Variants in REPS1 observed in about 807,000 individuals in gnomAD.
REPS1 encodes RALBP1 associated Eps domain containing 1, also known as ralBP1-associated Eps domain-containing protein 1.
Under a neutral mutation model 100.9 loss-of-function variants are expected in REPS1, and 39 were observed. The observed-to-expected ratio is 0.39, with a 90% confidence interval of 0.30 to 0.50. REPS1 has a LOEUF of 0.50. REPS1 is among the 20% of genes least tolerant of loss of function. The pLI is 0.86. For missense variants in REPS1, 821 were observed against 968.5 expected (o/e 0.85, Z 2.02); for synonymous variants, 324 against 340.3 (o/e 0.95, Z 0.53).
chr6:138,929,388 C>T (rs1415634836), intron 9 of REPS1: 1 of 152,156 alleles, frequency 6.6e-6, no homozygotes, highest in Non-Finnish European at 1.5e-5. Context: ...GCATGTGTCC[C>T]AAATTCCATT....
intron 1 of REPS1, among the ~76,000 whole-genome samples, chr6:138,954,800 C>A (rs552980204): frequency 3.5e-4 from 53 of 152,326 alleles, no homozygotes; most frequent in African/African-American, 1.3e-3. Flanking sequence ...TGTAATAAAG[C>A]TACCACATTG....
intron 8 of REPS1, among the ~76,000 whole-genome samples, chr6:138,936,106 C>G (rs1781812698): frequency 6.6e-6 from 1 of 151,942 alleles, no homozygotes; most frequent in Non-Finnish European, 1.5e-5. Context: ...AGCACAATTG[C>G]AAAGGAAAAA....
chr6:138,951,837 G>C (rs924660126), intron 1 of REPS1, among the ~76,000 whole-genome samples: 5 of 152,146 alleles, frequency 3.3e-5, no homozygotes, highest in African/African-American at 1.2e-4. Flanking sequence ...TCTTAGCTGA[G>C]CATCATTCAA....
intron 8 of REPS1, among the ~76,000 whole-genome samples, chr6:138,939,556 G>A (rs1309497248): frequency 6.6e-6 from 1 of 152,136 alleles, no homozygotes; most frequent in Non-Finnish European, 1.5e-5. Flanking sequence ...GACAGAATCA[G>A]ACAAGCCTCT....
At chr6:138,953,512 C>G (rs1000186162) in intron 1 of REPS1, among the ~76,000 whole-genome samples, 6 of 151,852 alleles carry the variant, frequency 4.0e-5, no homozygotes, top group Non-Finnish European at 7.4e-5. Flanking sequence ...CAAAACAAAA[C>G]AAAACTGATT....
rs1440763145 is a variant in REPS1, at chr6:138,945,534, ATCATGGCT to A, written c.433_440del (p.Ser145TyrfsTer43). 2 of 1,611,138 alleles carry A rather than the reference ATCATGGCT, an allele frequency of 1.2e-6. No individual in the cohort carries two copies. The highest frequency in any genetic ancestry group is 1.7e-6 in the Non-Finnish European group (2 of 1,178,952). On this transcript the variant is annotated frameshift_variant, in exon 3 of 20. Coordinates refer to ENST00000450536, the MANE Select transcript of REPS1 (RefSeq NM_001286611.2). LOFTEE classifies it high-confidence loss of function. ...CTGCAGATGTACGAGGCTGAACCGT[ATCATGGCT>A]TACGGATCCCTTTTTCACTTGCCCC...
intron 19 of REPS1, among the ~76,000 whole-genome samples, chr6:138,905,503 G>A (rs1779582499): frequency 6.7e-6 from 1 of 149,184 alleles, no homozygotes. Context: ...TTGTTAGCCA[G>A]GATGGTCTCG....
intron 13 of REPS1, among the ~76,000 whole-genome samples, chr6:138,916,826 T>C (rs1053100479): frequency 1.3e-5 from 2 of 152,134 alleles, no homozygotes; most frequent in African/African-American, 4.8e-5. Flanking sequence ...CCAAGGCCTC[T>C]GGTAATCTGA....
rs1474982163 is a variant in REPS1 at position 138,904,088 on chromosome 6, A to G, written c.*976T>C. 6.6e-6 allele frequency: 1 copy of G among 152,198 alleles called. No individual in the cohort carries two copies. The highest frequency in any genetic ancestry group is 2.4e-5 in the African/African-American group (1 of 41,468). 9.4% of individuals were successfully genotyped at this position (152,198 alleles called of 1,614,324 possible). A position where few individuals can be genotyped will look rare whatever the true frequency, so the allele number is the denominator to read the frequency against. On this transcript the variant is annotated 3_prime_UTR_variant, in exon 20 of 20. Coordinates refer to ENST00000450536, the MANE Select transcript of REPS1 (RefSeq NM_001286611.2). ...GCCAAGATATATCCATGCAGTTTAA[A>G]ATCTATGATCCTATAGACAGAATAA...
At chr6:138,985,897 A>G (rs1263581455) in intron 1 of REPS1, among the ~76,000 whole-genome samples, 1 of 152,218 alleles carries the variant, frequency 6.6e-6, no homozygotes, top group Non-Finnish European at 1.5e-5. Context: ...CTCACCTCAA[A>G]GACAAACTAA....
intron 1 of REPS1, among the ~76,000 whole-genome samples, chr6:138,962,316 T>C (rs1423422965): frequency 6.6e-6 from 1 of 151,992 alleles, no homozygotes; most frequent in Non-Finnish European, 1.5e-5. Flanking sequence ...TTCCCAATGA[T>C]ACAATGGTCC....
rs116658882 is a variant in REPS1, at chr6:138,964,982, C to A, written c.154-17069G>T. Among the ~76,000 whole-genome samples the A allele has an allele frequency of 3.8e-3, 576 of 152,192 alleles. 5 individuals are homozygous for A. Among genetic ancestry groups the A allele is most frequent in the African/African-American group, 0.013 (559 of 41,536 alleles). On this transcript the variant is annotated intron_variant, in intron 1 of 19. Transcript: ENST00000450536. ...AACAACCAATGTAAGGGGACTGAAG[C>A]AGCTTAAGAAGTTTATAGTTCTTGA...
chr6:138,953,304 T>C lies in REPS1; in HGVS notation c.154-5391A>G, dbSNP rs372342104. On this transcript the variant is annotated intron_variant, in intron 1 of 19. Transcript: ENST00000450536. Reference sequence around the variant, plus strand: ...GTGGACAAATATTTTATAAATAAGATCTCAAAAGCATAGGCAACAAAAGCA... The same window carrying C: ...GTGGACAAATATTTTATAAATAAGACCTCAAAAGCATAGGCAACAAAAGCA... Among the ~76,000 whole-genome samples, 4 of 151,990 alleles carry C rather than the reference T, an allele frequency of 2.6e-5. 1 individual carries two copies. Among genetic ancestry groups the C allele is most frequent in the East Asian group, 1.9e-4 (1 of 5,168 alleles).
intron 1 of REPS1, among the ~76,000 whole-genome samples, chr6:138,955,305 CA>C (rs533974274): frequency 9.2e-5 from 14 of 151,898 alleles, no homozygotes; most frequent in African/African-American, 2.9e-4. Context: ...TACATATAAG[CA>C]GGGTGTGATG....
rs76112612 is a variant in REPS1, at chr6:138,958,888, T to C, written c.154-10975A>G. Among the ~76,000 whole-genome samples the C allele has an allele frequency of 7.4e-3, 1,131 of 152,228 alleles. 13 individuals carry two copies. Among genetic ancestry groups the C allele is most frequent in the African/African-American group, 0.025 (1,041 of 41,536 alleles). On this transcript the variant is annotated intron_variant, in intron 1 of 19. Coordinates refer to ENST00000450536, the MANE Select transcript of REPS1 (RefSeq NM_001286611.2). ...CTATAAAACAAGAATAGTTCCTTAA[T>C]AAGGACCCAAAGAACTCTCCAAGGA... is the stretch of plus-strand genomic sequence containing the variant.
chr6:138,915,923 C>G lies in REPS1; in HGVS notation c.1655G>C (p.Arg552Thr). Reference sequence around the variant, plus strand: ...TGATCTAGAATGAGAGGGCTGTGGCCTTGGAGGGGGAGGTGGTGGTGCAGT... The same window carrying G: ...TGATCTAGAATGAGAGGGCTGTGGCGTTGGAGGGGGAGGTGGTGGTGCAGT... ...DNTAPPPPPP[R>T]PQPSHSRSSS... The change falls in exon 14 of 20, where the codon AGG becomes ACG. Residue 552 changes from arginine to threonine, a missense_variant. This residue lies in a region of REPS1 where 757 missense variants were observed against 866.4 expected (regional missense o/e 0.87). Coordinates refer to ENST00000450536, the MANE Select transcript of REPS1 (RefSeq NM_001286611.2). 6.2e-7 allele frequency: 1 copy of G among 1,613,892 alleles called. No individual in the cohort carries two copies. The highest frequency in any genetic ancestry group is 8.5e-7 in the Non-Finnish European group (1 of 1,179,914).
At chr6:138,935,690 C>T (rs568066913) in intron 8 of REPS1, among the ~76,000 whole-genome samples, 1 of 151,950 alleles carries the variant, frequency 6.6e-6, no homozygotes, top group South Asian at 2.1e-4. Context: ...CCCGTCTCTA[C>T]TAAAAATACA....
intron 1 of REPS1, among the ~76,000 whole-genome samples, chr6:138,970,660 T>C (rs1784294939): frequency 6.6e-6 from 1 of 152,082 alleles, no homozygotes; most frequent in South Asian, 2.1e-4. Context: ...GGTGCACACC[T>C]GTAGTCCCAG....
At chr6:138,963,126 ACT>A (rs1420914668) in intron 1 of REPS1, among the ~76,000 whole-genome samples, 8 of 119,996 alleles carry the variant, frequency 6.7e-5, no homozygotes, top group South Asian at 3.3e-4. Flanking sequence ...TAACTAACTA[ACT>A]AACTAAATAA....
Sources: gnomAD v4.1 joint callset for allele counts (sites outside exome capture counted in the v4.1 genomes callset) on GRCh38, gnomAD v4.1.1 for gene constraint, gnomAD v4.1.1 regional missense constraint, MANE v1.5 for transcripts, NCBI Gene and HGNC (gene_info 2026-07-23, HGNC 2026-07-21) for gene names.